LMLN: variants seen among roughly 807,000 people sequenced by gnomAD.
LMLN encodes leishmanolysin-like peptidase.
Under a neutral mutation model 92.3 loss-of-function variants are expected in LMLN, and 70 were observed. The observed-to-expected ratio is 0.76, with a 90% CI of 0.63 to 0.92. The LOEUF (loss-of-function observed/expected upper bound fraction) is 0.92, where lower values mean the gene tolerates loss of function less well. Among genes scored for constraint, LMLN ranks in the 40% least tolerant of loss-of-function variants. LMLN has a pLI of 0.00. For missense variants in LMLN, 691 were observed against 814.6 expected (o/e 0.85, Z 1.85); for synonymous variants, 308 against 296.2 (o/e 1.04, Z -0.41).
At chr3:198,006,951 T>G (rs1722312020) in intron 11 of LMLN, among the ~76,000 whole-genome samples, 1 of 152,198 alleles carries the variant, frequency 6.6e-6, no homozygotes, top group Non-Finnish European at 1.5e-5. Context: ...GACCTCGTGA[T>G]CCACCTGCCT....
intron 8 of LMLN, among the ~76,000 whole-genome samples, chr3:197,988,356 T>A (rs1329509978): frequency 6.6e-6 from 1 of 152,034 alleles, no homozygotes; most frequent in South Asian, 2.1e-4. Flanking sequence ...AGTAAATTAT[T>A]ATTCGATTTC....
chr3:198,027,437 C>A (rs1722963368), intron 14 of LMLN, among the ~76,000 whole-genome samples: 1 of 152,126 alleles, frequency 6.6e-6, no homozygotes, highest in Non-Finnish European at 1.5e-5. Context: ...TTAAGTGGCA[C>A]TAAATACATT....
exon 16 of LMLN, chr3:198,043,009 C>T (rs1723449599): frequency 2.6e-5 from 4 of 152,146 alleles, no homozygotes; most frequent in Admixed American, 2.6e-4. Flanking sequence ...ATTATGCTTG[C>T]AGTTACTCAG....
exon 2 of LMLN, chr3:197,974,457 T>C: frequency 6.5e-7 from 1 of 1,550,252 alleles, no homozygotes; most frequent in Non-Finnish European, 8.8e-7. Context: ...AGACTGTCTA[T>C]GATAAAAGTG....
intron 6 of LMLN, chr3:197,980,715 AAG>A (rs1411965354): frequency 9.3e-6 from 4 of 431,982 alleles, no homozygotes; most frequent in Non-Finnish European, 1.2e-5. Context: ...GTCAAAGTGA[AAG>A]AGAGAAAAGT....
At chr3:197,968,752 A>G (rs11185492) in intron 1 of LMLN, among the ~76,000 whole-genome samples, 5,801 of 152,262 alleles carry the variant, frequency 0.038, 171 homozygotes, top group East Asian at 0.097. Flanking sequence ...ATTTTCTTCT[A>G]TATTCAGGAA....
chr3:197,980,758 G>T, intron 6 of LMLN: 1 of 350,794 alleles, frequency 2.9e-6, no homozygotes, highest in Non-Finnish European at 5.2e-6. Context: ...TCTGCCTGCC[G>T]TTCCTCTTCC....
chr3:198,023,255 T>C (rs1250187101), intron 13 of LMLN, among the ~76,000 whole-genome samples: 2 of 152,066 alleles, frequency 1.3e-5, no homozygotes, highest in African/African-American at 2.4e-5. Context: ...AGTGGCACCA[T>C]CATAGCTCAC....
chr3:198,019,142 T>C lies in LMLN; in HGVS notation c.1233-111T>C. The C allele has an allele frequency of 9.6e-7, 1 of 1,043,992 alleles. No homozygotes were observed. The highest frequency in any genetic ancestry group is 1.6e-5 in the African/African-American group (1 of 62,156). 64.7% of individuals were successfully genotyped at this position (1,043,992 alleles called of 1,614,324 possible). On this transcript the variant is annotated intron_variant, in intron 11 of 15. Coordinates refer to ENST00000330198, the Ensembl canonical transcript of LMLN. The surrounding 1 kb of genome is among the most constrained non-coding windows in gnomAD (Gnocchi z 5.5). ...TTCCAAGAATCCCATTTGTTAATTATGAAGGTTTGTATTTTTAGGCCAGGA... is the reference window on the plus strand; with the variant it reads ...TTCCAAGAATCCCATTTGTTAATTACGAAGGTTTGTATTTTTAGGCCAGGA...
At chr3:197,983,142 ATAAAG>A (rs1195137906) in intron 6 of LMLN, among the ~76,000 whole-genome samples, 3 of 152,270 alleles carry the variant, frequency 2.0e-5, no homozygotes, top group Non-Finnish European at 4.4e-5. Context: ...TGAAGAAAAT[ATAAAG>A]TATTTAACAA....
At chr3:197,961,523 TA>T (rs933636770) in intron 1 of LMLN, among the ~76,000 whole-genome samples, 1 of 152,134 alleles carries the variant, frequency 6.6e-6, no homozygotes, top group African/African-American at 2.4e-5. Context: ...CTGAATTCTT[TA>T]AAAAAAATTT....
At chr3:197,974,648 A>T (rs1440168908) in intron 2 of LMLN, among the ~76,000 whole-genome samples, 174 bp downstream of exon 2, 1 of 152,126 alleles carries the variant, frequency 6.6e-6, no homozygotes, top group African/African-American at 2.4e-5. Flanking sequence ...AAGCCATGGG[A>T]TATGATTAAA....
At chr3:197,989,424 G>A (rs1721803639) in intron 8 of LMLN, among the ~76,000 whole-genome samples, 2 of 152,078 alleles carry the variant, frequency 1.3e-5, no homozygotes, top group African/African-American at 4.8e-5. Context: ...TTTGTATGTG[G>A]TGAAAAAGGG....
chr3:198,012,365 G>C (rs926896009), intron 11 of LMLN, among the ~76,000 whole-genome samples: 16 of 152,180 alleles, frequency 1.1e-4, no homozygotes, highest in Admixed American at 5.9e-4. Context: ...GTGTACATTC[G>C]GACGCTGGGT....
At chr3:198,033,522 T>G (rs1454119729) in intron 14 of LMLN, among the ~76,000 whole-genome samples, 1 of 152,042 alleles carries the variant, frequency 6.6e-6, no homozygotes, top group Non-Finnish European at 1.5e-5. Flanking sequence ...GTTCAAGTGA[T>G]TCTTATGCCT....
chr3:198,013,589 T>C (rs559149436), intron 11 of LMLN, among the ~76,000 whole-genome samples: 1,437 of 73,640 alleles, frequency 0.02, 6 homozygotes, highest in African/African-American at 0.057. Context: ...TCAGAGCCCC[T>C]TAACTAGTCT....
chr3:197,999,689 G>A (rs908048362), intron 11 of LMLN: 1 of 193,838 alleles, frequency 5.2e-6, no homozygotes, highest in African/African-American at 2.4e-5. Context: ...CACCATGCCT[G>A]GCTAACTGTG....
At chr3:197,962,550 C>A (rs1388735036) in intron 1 of LMLN, among the ~76,000 whole-genome samples, 1 of 152,056 alleles carries the variant, frequency 6.6e-6, no homozygotes, top group Admixed American at 6.5e-5. Context: ...AAATACTAAC[C>A]CTTTCTCCAA....
intron 6 of LMLN, among the ~76,000 whole-genome samples, chr3:197,983,153 A>G (rs1328684606): frequency 6.6e-6 from 1 of 152,258 alleles, no homozygotes; most frequent in East Asian, 1.9e-4. Flanking sequence ...TAAAGTATTT[A>G]ACAATTTAAA....
Sources: gnomAD v4.1 joint callset for allele counts (sites outside exome capture counted in the v4.1 genomes callset) on GRCh38, gnomAD v4.1.1 for gene constraint, Gnocchi (gnomAD v3.1) non-coding constraint, MANE v1.5 for transcripts, NCBI Gene and HGNC (gene_info 2026-07-23, HGNC 2026-07-21) for gene names.